NRG1: variants seen among roughly 807,000 people sequenced by gnomAD.
NRG1 encodes the protein neuregulin 1.
In NRG1, 18 loss-of-function variants were observed where a neutral mutation model predicts 63.8. That is an observed-to-expected ratio of 0.28 (90% confidence interval 0.19 to 0.42). The LOEUF (loss-of-function observed/expected upper bound fraction) is 0.42, where lower values mean the gene tolerates loss of function less well. NRG1 is among the 10% of genes least tolerant of loss of function. The pLI is 1.00. For missense variants in NRG1, 762 were observed against 814.7 expected (o/e 0.94, Z 0.79); for synonymous variants, 302 against 301.3 (o/e 1.00, Z -0.02).
In NRG1 at chr8:31,789,011, C is replaced by T. The variant is rs185426393; in HGVS notation, c.37+149580C>T. ...ATAACCAACTGATAATGAAATTCTT[C>T]ATCTTTCCATGCTATCATATTTTTC... On this transcript the variant is annotated intron_variant, in intron 1 of 10. Coordinates refer to the NRG1 transcript ENST00000519301. Among the ~76,000 whole-genome samples, 5 of 152,296 alleles carry T rather than the reference C, an allele frequency of 3.3e-5. No individual in the cohort carries two copies. The East Asian group carries it at 9.7e-4, about 29-fold the overall frequency.
intron 1 of NRG1, among the ~76,000 whole-genome samples, chr8:31,922,207 G>A (rs894492314): frequency 1.2e-4 from 18 of 152,244 alleles, no homozygotes; most frequent in Non-Finnish European, 2.2e-4. Context: ...CCTTGTTATC[G>A]CATTAGTTGT....
At chr8:32,321,487 A>C (rs1265700616) in intron 1 of NRG1, among the ~76,000 whole-genome samples, 1 of 149,228 alleles carries the variant, frequency 6.7e-6, no homozygotes, top group Non-Finnish European at 1.5e-5. Flanking sequence ...CCTGTAAAAA[A>C]AAAAAAAATC....
At chr8:32,434,257 T>A (rs886579310) in intron 1 of NRG1, among the ~76,000 whole-genome samples, 2 of 152,204 alleles carry the variant, frequency 1.3e-5, no homozygotes, top group African/African-American at 4.8e-5. Context: ...AAAACTTCCA[T>A]GAATTGGGTA....
chr8:32,561,514 A>G (rs1836389020), intron 1 of NRG1, among the ~76,000 whole-genome samples: 1 of 146,250 alleles, frequency 6.8e-6, no homozygotes, highest in South Asian at 2.2e-4. Context: ...GAGCTGCCTC[A>G]GCGCTCTTAA....
chr8:32,262,054 C>G (rs1850435989), intron 1 of NRG1, among the ~76,000 whole-genome samples: 1 of 152,036 alleles, frequency 6.6e-6, no homozygotes, highest in Non-Finnish European at 1.5e-5. Context: ...TGTAATTGTT[C>G]TCTATCTATA....
chr8:32,496,963 G>T (rs1465563087), intron 1 of NRG1, among the ~76,000 whole-genome samples: 11 of 152,086 alleles, frequency 7.2e-5, no homozygotes, highest in Admixed American at 7.2e-4. Flanking sequence ...TACACATAAG[G>T]AAATTAATTC....
At chr8:32,701,719 A>G (rs568410524) in intron 5 of NRG1, among the ~76,000 whole-genome samples, 39 of 152,360 alleles carry the variant, frequency 2.6e-4, no homozygotes, top group East Asian at 9.6e-4. Context: ...TTATAGATCA[A>G]TTATCACTTT....
intron 1 of NRG1, among the ~76,000 whole-genome samples, chr8:32,178,162 T>C (rs1434969318): frequency 1.3e-5 from 2 of 152,006 alleles, no homozygotes; most frequent in South Asian, 2.1e-4. Flanking sequence ...AAAATAAATT[T>C]TGTGGAATGG....
chr8:31,849,206 T>A lies in NRG1; in HGVS notation c.37+209775T>A, dbSNP rs572864392. On this transcript the variant is annotated intron_variant, in intron 1 of 10. Transcript: ENST00000519301. ...CAACAGGCATCTAAAGAATATAGAGTCAAGAACAGTTAAGCCATTGCCACA... is the reference window on the plus strand; with the variant it reads ...CAACAGGCATCTAAAGAATATAGAGACAAGAACAGTTAAGCCATTGCCACA... Among the ~76,000 whole-genome samples, 18 of 152,168 alleles carry A rather than the reference T, an allele frequency of 1.2e-4. No homozygotes were observed. The South Asian group carries it at 3.7e-3, about 32-fold the overall frequency.
At chr8:31,873,034 A>G (rs556949194) in intron 1 of NRG1, among the ~76,000 whole-genome samples, 2 of 152,282 alleles carry the variant, frequency 1.3e-5, no homozygotes, top group East Asian at 3.9e-4. Flanking sequence ...AACTTTTCAG[A>G]AGGAGAAAAC....
chr8:31,934,200 A>G (rs528739241), intron 1 of NRG1, among the ~76,000 whole-genome samples: 2 of 152,226 alleles, frequency 1.3e-5, no homozygotes, highest in South Asian at 4.1e-4. Context: ...TATATGTTGA[A>G]TAAGTTGCAA....
Position 32,041,339 on chromosome 8 carries a change from A to G in NRG1, c.37+401908A>G, listed in dbSNP as rs371427652. Among the ~76,000 whole-genome samples the G allele has an allele frequency of 4.6e-5, 7 of 152,312 alleles. No homozygotes were observed. In the East Asian group the frequency reaches 1.4e-3, roughly 29 times the overall value. ...TAGTGAGGTTCCAGCTTTGAATAAG[A>G]TAGAGTAAACATACTGTGCCCTGTC... On this transcript the variant is annotated intron_variant, in intron 1 of 10. Transcript: ENST00000519301.
intron 1 of NRG1, among the ~76,000 whole-genome samples, chr8:31,811,344 A>G (rs1029440982): frequency 1.3e-5 from 2 of 152,112 alleles, no homozygotes; most frequent in African/African-American, 2.4e-5. Flanking sequence ...CTCTACTTCT[A>G]TTTCTACTAA....
At chr8:32,510,026 A>G (rs1828973567) in intron 1 of NRG1, among the ~76,000 whole-genome samples, 1 of 151,838 alleles carries the variant, frequency 6.6e-6, no homozygotes, top group Non-Finnish European at 1.5e-5. Context: ...TCCAAAAGAG[A>G]GAAGATTCTT....
At chr8:32,534,878 A>C (rs1455185015) in intron 1 of NRG1, among the ~76,000 whole-genome samples, 2 of 152,254 alleles carry the variant, frequency 1.3e-5, no homozygotes, top group East Asian at 3.9e-4. Context: ...GAGCATTCTA[A>C]GATTGTTCCA....
rs1588229430 is a variant in NRG1 at position 32,550,032 on chromosome 8, C to T, written c.100+1206C>T. On this transcript the variant is annotated intron_variant, in intron 1 of 11. Transcript: ENST00000356819. Reference sequence around the variant, plus strand: ...TTGTCCCTTGCTGGAAGAAAACAAACCACATTTGCTTGGTCTTCTTACTGG... The same window carrying T: ...TTGTCCCTTGCTGGAAGAAAACAAATCACATTTGCTTGGTCTTCTTACTGG... Among the ~76,000 whole-genome samples, 3 of 152,272 alleles carry T rather than the reference C, an allele frequency of 2.0e-5. No homozygotes were observed. The South Asian group carries it at 6.2e-4, about 32-fold the overall frequency.
intron 1 of NRG1, among the ~76,000 whole-genome samples, chr8:32,229,449 T>A (rs546201645): frequency 6.2e-4 from 94 of 152,202 alleles, no homozygotes; most frequent in Middle Eastern, 3.4e-3. Flanking sequence ...AGATACTCAC[T>A]CATTCGTGTG....
chr8:32,727,005 A>G (rs1428683755), intron 5 of NRG1, among the ~76,000 whole-genome samples: 1 of 152,116 alleles, frequency 6.6e-6, no homozygotes, highest in Non-Finnish European at 1.5e-5. Flanking sequence ...ATCATTGATA[A>G]ACATTGTGTA....
chr8:32,011,386 AG>A lies in NRG1; in HGVS notation c.37+371956del, dbSNP rs144288326. Among the ~76,000 whole-genome samples, 1,433 of 152,188 alleles carry A rather than the reference AG, an allele frequency of 9.4e-3. 17 individuals are homozygous for A. Among genetic ancestry groups the A allele is most frequent in the African/African-American group, 0.03 (1,247 of 41,538 alleles). On this transcript the variant is annotated intron_variant, in intron 1 of 10. Transcript: ENST00000519301. ...GTTCAATTCGCAAAGCAACAGCAGC[AG>A]CCTTTACGTATCCCACGATTAACAC...
Sources: gnomAD v4.1 joint callset for allele counts (sites outside exome capture counted in the v4.1 genomes callset) on GRCh38, gnomAD v4.1.1 for gene constraint, MANE v1.5 for transcripts, NCBI Gene and HGNC (gene_info 2026-07-23, HGNC 2026-07-21) for gene names.